Variants in SP3 observed in about 807,000 individuals in gnomAD.
SP3 encodes the protein Sp3 transcription factor.
SP3 carries 10 observed loss-of-function variants against 70.3 expected under a neutral mutation model. The observed-to-expected ratio is 0.14, with a 90% CI of 0.09 to 0.24. The LOEUF is 0.24. Among genes scored for constraint, SP3 ranks in the 10% least tolerant of loss-of-function variants. SP3 has a pLI of 1.00. For missense variants in SP3, 825 were observed against 914.6 expected, an observed-to-expected ratio of 0.90 and a Z score of 1.26; for synonymous variants, 402 against 333.5, an observed-to-expected ratio of 1.21 and a Z score of -2.24.
chr2:173,964,266 G>C (rs912102559), intron 2 of SP3, 139 bp downstream of exon 2: 20 of 512,300 alleles, frequency 3.9e-5, no homozygotes, highest in Non-Finnish European at 5.5e-5. Context: ...CGGGCGGGCA[G>C]CTCCCGGGGC....
At chr2:173,934,709 A>G (rs1690164847) in intron 4 of SP3, among the ~76,000 whole-genome samples, 1 of 152,094 alleles carries the variant, frequency 6.6e-6, no homozygotes, top group African/African-American at 2.4e-5. Flanking sequence ...TAAAACATAA[A>G]AAGTAAAAAA....
chr2:173,916,706 G>A (rs1689625450), intron 5 of SP3: 1 of 152,028 alleles, frequency 6.6e-6, no homozygotes, highest in Admixed American at 6.6e-5. Flanking sequence ...ACACACTGCT[G>A]GTTAGAGTAT....
chr2:173,913,101 A>G lies in SP3; in HGVS notation c.1998T>C (p.Asp666=). 6.2e-7 allele frequency: 1 copy of G among 1,611,320 alleles called. No homozygotes were observed. The highest frequency in any genetic ancestry group is 1.3e-5 in the African/African-American group (1 of 75,016). ...MYCGKRFTRS[D]ELQRHRRTHT... ...GTGTTCTTCTGTGCCTCTGTAATTC[A>G]TCACTTCGAGTAAATCTTTTACCAC... Residue 666 remains aspartate (D), a synonymous_variant, in exon 6 of 7, where the codon GAT becomes GAC. Coordinates refer to ENST00000310015, the MANE Select transcript of SP3 (RefSeq NM_003111.5).
intron 4 of SP3, among the ~76,000 whole-genome samples, chr2:173,944,679 T>C (rs868773610): frequency 6.6e-6 from 1 of 152,202 alleles, no homozygotes; most frequent in African/African-American, 2.4e-5. Context: ...ACACATCAGG[T>C]GATTTCCATT....
intron 6 of SP3, among the ~76,000 whole-genome samples, chr2:173,911,261 CG>C (rs1392875017): frequency 2.0e-5 from 3 of 151,014 alleles, no homozygotes; most frequent in African/African-American, 5.0e-5. Context: ...TTGCAGATGA[CG>C]TAACAGTTTA....
intron 6 of SP3, among the ~76,000 whole-genome samples, chr2:173,911,188 C>A (rs936037392): frequency 4.6e-5 from 7 of 152,046 alleles, no homozygotes; most frequent in African/African-American, 1.7e-4. Context: ...CCTTAAAGAC[C>A]AAATTTTATT....
intron 5 of SP3, chr2:173,916,347 A>AGTTTTTTGTGCTT (rs1689618527): frequency 6.6e-6 from 1 of 152,106 alleles, no homozygotes; most frequent in African/African-American, 2.4e-5. Context: ...GACCAACTTT[A>AGTTTTTTGTGCTT]ATTTTTTGTG....
intron 4 of SP3, among the ~76,000 whole-genome samples, chr2:173,927,144 G>A (rs1175845568): frequency 6.6e-6 from 1 of 152,104 alleles, no homozygotes; most frequent in African/African-American, 2.4e-5. Context: ...CAACACCAAG[G>A]AGGATGGTGG....
In SP3 at chr2:173,932,556, C is replaced by T. The variant is rs114810465; in HGVS notation, c.1640-13771G>A. Among the ~76,000 whole-genome samples the T allele has an allele frequency of 5.4e-3, 818 of 152,174 alleles. 3 individuals carry two copies. The highest frequency in any genetic ancestry group is 0.019 in the African/African-American group (771 of 41,516). On this transcript the variant is annotated intron_variant, in intron 4 of 6. Transcript: ENST00000310015. ...AGGCCCGAGGAGAAAGATGAGGAAACGGCTGGTCGTTGCAACAGTCAGAAC... is the reference window on the plus strand; with the variant it reads ...AGGCCCGAGGAGAAAGATGAGGAAATGGCTGGTCGTTGCAACAGTCAGAAC...
chr2:173,917,808 A>T (rs1689651028), intron 5 of SP3, among the ~76,000 whole-genome samples: 1 of 152,050 alleles, frequency 6.6e-6, no homozygotes, highest in South Asian at 2.1e-4. Context: ...TTAACAAGAA[A>T]TACATCTCTG....
chr2:173,913,349 T>A (rs2105454857), intron 5 of SP3, 83 bp from the exon 6 acceptor site: 3 of 1,022,630 alleles, frequency 2.9e-6, no homozygotes, highest in Non-Finnish European at 3.9e-6. Context: ...ATCCCCATGT[T>A]GAATTTTAAA....
At chr2:173,951,851 T>C (rs1690719464) in intron 4 of SP3, among the ~76,000 whole-genome samples, 1 of 152,224 alleles carries the variant, frequency 6.6e-6, no homozygotes, top group African/African-American at 2.4e-5. Flanking sequence ...GAGTTGGTCA[T>C]CTGAAAACTG....
chr2:173,923,332 G>GA (rs1377400973), intron 4 of SP3, among the ~76,000 whole-genome samples: 3 of 151,656 alleles, frequency 2.0e-5, no homozygotes, highest in Non-Finnish European at 4.4e-5. Context: ...GAATTGAAGA[G>GA]AAAAAAACAG....
In SP3 at chr2:173,947,410, T is replaced by A. The variant is rs958517171; in HGVS notation, c.1639+7463A>T. ...GTCTTTTTTCTCCCCGAAAAACTTT[T>A]ATGTTTCATCTAAGAAAAAGCACTA... On this transcript the variant is annotated intron_variant, in intron 4 of 6. Coordinates refer to ENST00000310015, the MANE Select transcript of SP3 (RefSeq NM_003111.5). Among the ~76,000 whole-genome samples the A allele has an allele frequency of 5.9e-5, 9 of 152,166 alleles. No individual in the cohort carries two copies. The East Asian group carries it at 1.3e-3, about 23-fold the overall frequency.
Position 173,926,699 on chromosome 2 carries a change from T to A in SP3, c.1640-7914A>T, listed in dbSNP as rs542221033. On this transcript the variant is annotated intron_variant, in intron 4 of 6. Coordinates refer to ENST00000310015, the MANE Select transcript of SP3 (RefSeq NM_003111.5). ...ATTATTTTTAAGTAATTAAAAAAAA[T>A]TTTAAGAATGTAAAAATGGCTTCCA... 8.0e-4 allele frequency among the ~76,000 whole-genome samples: 122 copies of A among 152,330 alleles called. 3 individuals carry two copies. The South Asian group carries it at 0.023, about 29-fold the overall frequency.
intron 4 of SP3, among the ~76,000 whole-genome samples, chr2:173,945,844 A>C (rs1690520465): frequency 6.6e-6 from 1 of 152,120 alleles, no homozygotes; most frequent in African/African-American, 2.4e-5. Flanking sequence ...AACCCAGCAA[A>C]CGTCAGGCCT....
chr2:173,963,306 T>A (rs1019244478), intron 3 of SP3: 11 of 152,348 alleles, frequency 7.2e-5, no homozygotes, highest in East Asian at 1.9e-4. Flanking sequence ...TCATTTTTTT[T>A]AATAATGTAT....
Position 173,963,895 on chromosome 2 carries a change from G to A in SP3, c.157-12C>T, listed in dbSNP as rs772948278. On this transcript the variant is annotated splice_polypyrimidine_tract_variant and intron_variant, in intron 2 of 6. Coordinates refer to ENST00000310015, the MANE Select transcript of SP3 (RefSeq NM_003111.5). ...GACGGCTGAGTGTCCTACCCCCAAT[G>A]GGCGGGTTCAGAGAGGGAGACAGGG... 3.4e-6 allele frequency: 5 copies of A among 1,479,466 alleles called. No homozygotes were observed. Among genetic ancestry groups the A allele is most frequent in the Non-Finnish European group, 4.5e-6 (5 of 1,109,820 alleles). 91.6% of individuals were successfully genotyped at this position (1,479,466 alleles called of 1,614,324 possible). A position where few individuals can be genotyped will look rare whatever the true frequency, so the allele number is the denominator to read the frequency against.
chr2:173,906,155 TCCC>T lies in SP3; in HGVS notation c.*3783_*3785del, dbSNP rs140609301. ...TTTTTCCACTCTGTCCCTCACAAAGTCCCCCATCACCCAACATACCACACTGTA... is the reference window on the plus strand; with the variant it reads ...TTTTTCCACTCTGTCCCTCACAAAGTCCATCACCCAACATACCACACTGTA... On this transcript the variant is annotated 3_prime_UTR_variant, in exon 7 of 7. Transcript: ENST00000310015. Among the ~76,000 whole-genome samples, 6,228 of 152,156 alleles carry T rather than the reference TCCC, an allele frequency of 0.041. 196 individuals are homozygous for T. Among genetic ancestry groups the T allele is most frequent in the Admixed American group, 0.1 (1,590 of 15,260 alleles).
Sources: allele counts gnomAD v4.1 joint callset (sites outside exome capture counted in the v4.1 genomes callset), GRCh38; gene constraint gnomAD v4.1.1; transcripts MANE v1.5; gene names NCBI Gene and HGNC (gene_info 2026-07-23, HGNC 2026-07-21).